The following ANXA13 variants were observed in gnomAD, a reference collection of about 807,000 sequenced individuals.
ANXA13 encodes the protein annexin A13, also known as annexin XIII.
In ANXA13, 36 loss-of-function variants were observed where a neutral mutation model predicts 46.6. The ratio of observed to expected loss-of-function variants is 0.77; its 90% CI spans 0.59 to 1.02. ANXA13 has a LOEUF of 1.02. Ranked by LOEUF, ANXA13 falls within the 50% of genes least tolerant of loss-of-function variation. The pLI is 0.00. For missense variants in ANXA13, 417 were observed against 396.5 expected, an observed-to-expected ratio of 1.05 and a Z score of -0.44; for synonymous variants, 163 against 152.9, an observed-to-expected ratio of 1.07 and a Z score of -0.49.
chr8:123,688,074 C>T (rs1420038877), intron 9 of ANXA13, among the ~76,000 whole-genome samples: 2 of 152,208 alleles, frequency 1.3e-5, no homozygotes, highest in Non-Finnish European at 2.9e-5. Context: ...CAGGTGCCCT[C>T]AGGGACCCAT....
chr8:123,685,591 G>A (rs1563604046), intron 9 of ANXA13, among the ~76,000 whole-genome samples: 1 of 152,220 alleles, frequency 6.6e-6, no homozygotes, highest in African/African-American at 2.4e-5. Flanking sequence ...CATAAATGTG[G>A]AATGTGCAAT....
At chr8:123,734,997 A>G (rs2129960080) in intron 1 of ANXA13, among the ~76,000 whole-genome samples, 1 of 151,950 alleles carries the variant, frequency 6.6e-6, no homozygotes, top group South Asian at 2.1e-4. Context: ...AAAGTGTCTC[A>G]GTAGGTTCAA....
intron 1 of ANXA13, chr8:123,727,921 A>C (rs1814032711): frequency 6.6e-6 from 1 of 152,178 alleles, no homozygotes; most frequent in South Asian, 2.1e-4. Flanking sequence ...TTTTGCAAAG[A>C]AACCCAGATG....
At chr8:123,693,627 T>A (rs779909778) in intron 7 of ANXA13, 84 bp downstream of exon 7, 95 of 1,226,964 alleles carry the variant, frequency 7.7e-5, no homozygotes, top group Non-Finnish European at 1.1e-4. Context: ...TAACTCCTCT[T>A]TGCATGAAAT....
rs559006159 is a variant in ANXA13 at position 123,710,755 on chromosome 8, G to A, written c.91+1923C>T. On this transcript the variant is annotated intron_variant, in intron 2 of 10. Transcript: ENST00000419625. ...TGACTTTGGCTGTCTTACTTAAAAT[G>A]TCAGGTCATCAGTTTCCTCAGCTGG... is the stretch of plus-strand genomic sequence containing the variant. 7.9e-5 allele frequency among the ~76,000 whole-genome samples: 12 copies of A among 151,942 alleles called. No homozygotes were observed. The South Asian group carries it at 2.5e-3, about 32-fold the overall frequency.
At chr8:123,695,185 T>G (rs1813307576) in intron 6 of ANXA13, among the ~76,000 whole-genome samples, 1 of 152,072 alleles carries the variant, frequency 6.6e-6, no homozygotes, top group Non-Finnish European at 1.5e-5. Context: ...TGCATGAACC[T>G]GGGCAGGTTA....
chr8:123,721,441 G>A (rs190963506), intron 1 of ANXA13, among the ~76,000 whole-genome samples: 16 of 152,202 alleles, frequency 1.1e-4, no homozygotes, highest in South Asian at 2.1e-4. Flanking sequence ...TACCCACCTC[G>A]TATGGGTTGT....
intron 7 of ANXA13, among the ~76,000 whole-genome samples, 186 bp downstream of exon 7, chr8:123,693,525 G>T (rs915694883): frequency 6.6e-6 from 1 of 152,120 alleles, no homozygotes; most frequent in Admixed American, 6.5e-5. Flanking sequence ...CAACCCCAGA[G>T]TATAAGAATA....
chr8:123,684,395 A>G (rs1444520780), intron 10 of ANXA13, among the ~76,000 whole-genome samples: 3 of 152,222 alleles, frequency 2.0e-5, no homozygotes, highest in Non-Finnish European at 2.9e-5. Flanking sequence ...GCCACAGAGG[A>G]CAAAAAAAGA....
intron 6 of ANXA13, among the ~76,000 whole-genome samples, chr8:123,694,058 G>A (rs569389707): frequency 3.3e-5 from 5 of 151,826 alleles, no homozygotes; most frequent in East Asian, 1.9e-4. Context: ...GACTGAGTGC[G>A]ATCTCTGGTT....
At chr8:123,699,734 CTA>C (rs1286277100) in intron 3 of ANXA13, among the ~76,000 whole-genome samples, 1 of 152,182 alleles carries the variant, frequency 6.6e-6, no homozygotes, top group Non-Finnish European at 1.5e-5. Context: ...AGGACACAAA[CTA>C]TAGCATAGGG....
chr8:123,687,093 T>C (rs1261829952), intron 9 of ANXA13, among the ~76,000 whole-genome samples: 1 of 152,214 alleles, frequency 6.6e-6, no homozygotes, highest in Non-Finnish European at 1.5e-5. Flanking sequence ...CCATGAGCTT[T>C]AGGCTCCTTA....
At chr8:123,696,439 G>T (rs898372363) in intron 4 of ANXA13, among the ~76,000 whole-genome samples, 3 of 152,298 alleles carry the variant, frequency 2.0e-5, no homozygotes, top group Non-Finnish European at 2.9e-5. Flanking sequence ...TCTCTTGAGG[G>T]TGTGTTCTTG....
Position 123,714,193 on chromosome 8 carries a change from C to T in ANXA13, c.16-1440G>A, listed in dbSNP as rs1029649079. On this transcript the variant is annotated intron_variant, in intron 1 of 10. Coordinates refer to ENST00000419625, the MANE Select transcript of ANXA13 (RefSeq NM_004306.4). ...TATTTCCCCTTCCCCCATTGTGTGG[C>T]CTCACTGGGGCTGTCAGTCATGAGG... Among the ~76,000 whole-genome samples, 6 of 152,190 alleles carry T rather than the reference C, an allele frequency of 3.9e-5. No homozygotes were observed. In the East Asian group the frequency reaches 1.2e-3, roughly 29 times the overall value.
In ANXA13 at chr8:123,684,774, G is replaced by A. The variant is rs543537093; in HGVS notation, c.719-52C>T. 2.9e-6 allele frequency: 4 copies of A among 1,363,980 alleles called. No individual in the cohort carries two copies. In the African/African-American group the frequency reaches 5.7e-5, roughly 20 times the overall value. The allele number at this position is 1,363,980 out of a possible 1,614,324, so 84.5% of individuals were successfully genotyped here. Reference sequence around the variant, plus strand: ...GTGAGGCTTTCACGTTTTGTGGAATGACCTTGGGACCCCCCTAAATGTCAC... The same window carrying A: ...GTGAGGCTTTCACGTTTTGTGGAATAACCTTGGGACCCCCCTAAATGTCAC... On this transcript the variant is annotated intron_variant, in intron 9 of 10. Coordinates refer to ENST00000419625, the MANE Select transcript of ANXA13 (RefSeq NM_004306.4).
At chr8:123,697,106 C>T (rs1813354113) in intron 4 of ANXA13, among the ~76,000 whole-genome samples, 2 of 152,256 alleles carry the variant, frequency 1.3e-5, no homozygotes, top group South Asian at 4.1e-4. Context: ...GACGGGGTTT[C>T]ATCATGTTAG....
At chr8:123,721,157 A>G (rs961314543) in intron 1 of ANXA13, among the ~76,000 whole-genome samples, 161 of 152,144 alleles carry the variant, frequency 1.1e-3, no homozygotes, top group Non-Finnish European at 1.6e-3. Flanking sequence ...ACTTAGCATA[A>G]TGTTCCCCAG....
At chr8:123,688,279 C>G (rs770026224) in intron 9 of ANXA13, among the ~76,000 whole-genome samples, 13 of 152,306 alleles carry the variant, frequency 8.5e-5, no homozygotes, top group Non-Finnish European at 1.8e-4. Context: ...GGGGTTTCCT[C>G]TTTCGCTTGG....
intron 1 of ANXA13, among the ~76,000 whole-genome samples, chr8:123,736,447 T>C (rs982865779): frequency 1.3e-5 from 2 of 152,250 alleles, no homozygotes; most frequent in Admixed American, 6.5e-5. Flanking sequence ...AGTCATTAAC[T>C]ATTTATAGAC....
Sources: allele counts gnomAD v4.1 joint callset (sites outside exome capture counted in the v4.1 genomes callset), GRCh38; gene constraint gnomAD v4.1.1; transcripts MANE v1.5; gene names NCBI Gene and HGNC (gene_info 2026-07-23, HGNC 2026-07-21).